Variants in HBS1L observed in about 807,000 individuals in gnomAD.
HBS1L encodes HBS1-like protein.
HBS1L carries 55 observed loss-of-function variants against 88.9 expected under a neutral mutation model. The ratio of observed to expected loss-of-function variants is 0.62; its 90% confidence interval spans 0.50 to 0.77. The LOEUF is 0.77. HBS1L is among the 30% of genes least tolerant of loss of function. HBS1L has a pLI of 0.00. For missense variants in HBS1L, 741 were observed against 829.3 expected, an observed-to-expected ratio of 0.89 and a Z score of 1.31; for synonymous variants, 267 against 288.5, an observed-to-expected ratio of 0.93 and a Z score of 0.76.
chr6:135,014,095 AGAG>A (rs1158594980), intron 4 of HBS1L, among the ~76,000 whole-genome samples: 1 of 152,212 alleles, frequency 6.6e-6, no homozygotes, highest in Non-Finnish European at 1.5e-5. Flanking sequence ...CTGAATGAAC[AGAG>A]GAGATGAGAG....
Position 135,004,004 on chromosome 6 carries a change from A to G in HBS1L, c.431-1162T>C, listed in dbSNP as rs931671818. Among the ~76,000 whole-genome samples the G allele has an allele frequency of 9.2e-5, 14 of 152,336 alleles. 1 individual carries two copies. Among genetic ancestry groups the G allele is most frequent in the Admixed American group, 2.6e-4 (4 of 15,306 alleles). ...ATTGAACTTTTAAAAATGTGTCTTT[A>G]TAATTTTCAGAAAAAGTACCACCAG... On this transcript the variant is annotated intron_variant, in intron 4 of 17. Coordinates refer to ENST00000367837, the MANE Select transcript of HBS1L (RefSeq NM_006620.4).
intron 15 of HBS1L, among the ~76,000 whole-genome samples, chr6:134,973,068 A>G (rs1364001270): frequency 6.6e-6 from 1 of 152,228 alleles, no homozygotes; most frequent in East Asian, 1.9e-4. Flanking sequence ...GAATTACCAT[A>G]TGATCCAGCA....
chr6:135,024,209 G>A (rs1776155382), intron 4 of HBS1L, among the ~76,000 whole-genome samples: 2 of 152,080 alleles, frequency 1.3e-5, no homozygotes, highest in Admixed American at 1.3e-4. Context: ...GGGAGGCCGA[G>A]GCGGGCGGAT....
At chr6:135,038,672 G>A (rs1284004931) in intron 4 of HBS1L, among the ~76,000 whole-genome samples, 5 of 152,180 alleles carry the variant, frequency 3.3e-5, no homozygotes, top group Admixed American at 6.5e-5. Flanking sequence ...CTCAAACTGA[G>A]AGATAGCATG....
chr6:135,054,241 GT>G (rs1777177004), intron 1 of HBS1L, among the ~76,000 whole-genome samples: 1 of 152,264 alleles, frequency 6.6e-6, no homozygotes, highest in Admixed American at 6.5e-5. Context: ...GTCAATCTGT[GT>G]TTTACAAATA....
intron 5 of HBS1L, among the ~76,000 whole-genome samples, chr6:135,001,477 T>C (rs1775455426): frequency 6.7e-6 from 1 of 149,716 alleles, no homozygotes; most frequent in African/African-American, 2.5e-5. Flanking sequence ...TCTATTTATT[T>C]CCCCCCTCTC....
intron 11 of HBS1L, 53 bp from the exon 12 acceptor site, chr6:134,985,462 A>T (rs1489656436): frequency 1.7e-6 from 2 of 1,143,518 alleles, no homozygotes; most frequent in Non-Finnish European, 2.6e-6. Flanking sequence ...TAAATTTTTG[A>T]CTCACTTCAA....
intron 4 of HBS1L, among the ~76,000 whole-genome samples, chr6:135,023,300 C>T (rs888191766): frequency 3.9e-5 from 6 of 151,976 alleles, no homozygotes; most frequent in Admixed American, 6.6e-5. Flanking sequence ...AAAAATTAGC[C>T]GGGCGTGATG....
chr6:135,018,951 G>T (rs1775997663), intron 4 of HBS1L, among the ~76,000 whole-genome samples: 1 of 151,756 alleles, frequency 6.6e-6, no homozygotes, highest in African/African-American at 2.4e-5. Flanking sequence ...TCTGTCCTAA[G>T]CTTGGGCATA....
chr6:134,996,788 T>C lies in HBS1L; in HGVS notation c.954A>G (p.Glu318=). 1 of 1,593,814 alleles carries C rather than the reference T, an allele frequency of 6.3e-7. No individual in the cohort carries two copies. The highest frequency in any genetic ancestry group is 8.5e-7 in the Non-Finnish European group (1 of 1,172,974). ...AATATAGTGACTACCTTTCCCTTTCTTCGCCAGTTTCATCCAAGACCCATG... is the reference window on the plus strand; with the variant it reads ...AATATAGTGACTACCTTTCCCTTTCCTCGCCAGTTTCATCCAAGACCCATG... ...AYAWVLDETG[E]ERERGVTMDV... The change falls in exon 7 of 18, where the codon GAA becomes GAG. Residue 318 remains glutamate (E), a synonymous_variant. Transcript: ENST00000367837.
Position 134,966,974 on chromosome 6 carries a change from G to T in HBS1L, c.1899-501C>A, listed in dbSNP as rs748640030. 6.6e-5 allele frequency among the ~76,000 whole-genome samples: 10 copies of T among 152,160 alleles called. No individual in the cohort carries two copies. The South Asian group carries it at 8.3e-4, about 13-fold the overall frequency. On this transcript the variant is annotated intron_variant, in intron 16 of 17. Transcript: ENST00000367837. ...AGGACAATCAATCTGTTGTTGCTAA[G>T]ATTCCCCTCAATCAATCAAGCAATC...
intron 4 of HBS1L, among the ~76,000 whole-genome samples, chr6:135,025,939 ACT>A (rs762575432): frequency 6.6e-6 from 1 of 152,224 alleles, no homozygotes; most frequent in East Asian, 1.9e-4. Flanking sequence ...AGAGTGGGAA[ACT>A]CTGTAGAAAT....
chr6:135,050,660 CAA>C lies in HBS1L; in HGVS notation c.44-15_44-14del. On this transcript the variant is annotated splice_polypyrimidine_tract_variant and intron_variant, in intron 1 of 17. Coordinates refer to ENST00000367837, the MANE Select transcript of HBS1L (RefSeq NM_006620.4). ...TCATCTTCAAAATCTAAAATAAAGACAAAAGAGATAAATTCATTTACAAGTTC... is the reference window on the plus strand; with the variant it reads ...TCATCTTCAAAATCTAAAATAAAGACAAGAGATAAATTCATTTACAAGTTC... 6.6e-7 allele frequency: 1 copy of C among 1,513,050 alleles called. No homozygotes were observed. Among genetic ancestry groups the C allele is most frequent in the Non-Finnish European group, 9.0e-7 (1 of 1,105,834 alleles). 93.7% of individuals were successfully genotyped at this position (1,513,050 alleles called of 1,614,324 possible).
chr6:135,017,586 T>C (rs1353613475), intron 4 of HBS1L, among the ~76,000 whole-genome samples: 10 of 151,930 alleles, frequency 6.6e-5, no homozygotes, highest in African/African-American at 9.7e-5. Flanking sequence ...CTGAATCAAA[T>C]TGAAATCTAA....
At chr6:135,052,487 G>A (rs1777117474) in intron 1 of HBS1L, among the ~76,000 whole-genome samples, 1 of 151,402 alleles carries the variant, frequency 6.6e-6, no homozygotes, top group African/African-American at 2.4e-5. Flanking sequence ...CACGAGGATT[G>A]CTTGAGCCCA....
At position 134,997,488 on chromosome 6, in the gene HBS1L, T is replaced by C; in HGVS notation, c.708A>G (p.Lys236=). ...EEQSSTPAPV[K]KSGKLRQQID... The stretch of plus-strand genomic sequence containing the variant: ...TTTGCTGCCTCAGCTTGCCAGACTT[T>C]TTCACCGGTGCTGGGGTTGAACTCT... The change falls in exon 6 of 18, where the codon AAA becomes AAG. Residue 236 remains lysine (K), a synonymous_variant. Coordinates refer to ENST00000367837, the MANE Select transcript of HBS1L (RefSeq NM_006620.4). 6.2e-7 allele frequency: 1 copy of C among 1,614,060 alleles called. No individual in the cohort carries two copies. Among genetic ancestry groups the C allele is most frequent in the Non-Finnish European group, 8.5e-7 (1 of 1,179,988 alleles).
At chr6:135,039,511 G>A (rs1462334785) in intron 4 of HBS1L, 62 bp downstream of exon 4, 9 of 1,323,946 alleles carry the variant, frequency 6.8e-6, no homozygotes, top group African/African-American at 1.5e-5. Context: ...TCAAGCAAAC[G>A]AAAGCCTCTC....
At chr6:134,999,866 A>T (rs1239562121) in intron 5 of HBS1L, among the ~76,000 whole-genome samples, 1 of 152,182 alleles carries the variant, frequency 6.6e-6, no homozygotes, top group East Asian at 1.9e-4. Context: ...TAGTAAAAAA[A>T]ACTTCTGCAT....
intron 4 of HBS1L, among the ~76,000 whole-genome samples, chr6:135,012,281 A>T (rs922930817): frequency 6.6e-6 from 1 of 152,228 alleles, no homozygotes; most frequent in African/African-American, 2.4e-5. Context: ...AGAAAAAAAC[A>T]ACTAAAATAT....
Sources: allele counts gnomAD v4.1 joint callset (sites outside exome capture counted in the v4.1 genomes callset), GRCh38; gene constraint gnomAD v4.1.1; transcripts MANE v1.5; gene names NCBI Gene and HGNC (gene_info 2026-07-23, HGNC 2026-07-21).